Variants in SLC22A13 observed in about 807,000 individuals in gnomAD.
SLC22A13 encodes the protein solute carrier family 22 member 13, also known as organic anion transporter 10.
A neutral mutation model predicts 49.1 loss-of-function variants in SLC22A13; 42 were observed. That is an observed-to-expected ratio of 0.85 (90% CI 0.67 to 1.11). The LOEUF is 1.11. Among genes scored for constraint, SLC22A13 ranks in the 50% least tolerant of loss-of-function variants. SLC22A13 has a pLI of 0.00. For missense variants in SLC22A13, 694 were observed against 712.8 expected (o/e 0.97, Z 0.30); for synonymous variants, 282 against 293.1 (o/e 0.96, Z 0.39).
chr3:38,266,084 A>T lies in SLC22A13; in HGVS notation c.224A>T (p.Asp75Val). The T allele has an allele frequency of 6.2e-7, 1 of 1,614,090 alleles. No individual in the cohort carries two copies. Among genetic ancestry groups the T allele is most frequent in the Non-Finnish European group, 8.5e-7 (1 of 1,180,018 alleles). The change falls in exon 1 of 10, where the codon GAC becomes GTC. Residue 75 changes from aspartate (D) to valine (V), a missense_variant. Asp to Val is a radical substitution (Grantham distance 152, BLOSUM62 -3). Coordinates refer to ENST00000311856, the MANE Select transcript of SLC22A13 (RefSeq NM_004256.4). ...CAGCTGGTACTGAGCGTGCCCCTGG[A>T]CACTGCAGGTCACCCAGAGCCCTGC... ...AEQLVLSVPL[D>V]TAGHPEPCLM...
At chr3:38,274,146 G>C in intron 1 of SLC22A13, 126 bp from the exon 2 acceptor site, 1 of 697,030 alleles carries the variant, frequency 1.4e-6, no homozygotes, top group Non-Finnish European at 2.6e-6. Context: ...ATGGTGCCCT[G>C]GAGTGCCTCA....
At position 38,277,022 on chromosome 3, in the gene SLC22A13, G is replaced by A; in HGVS notation, c.1457G>A (p.Gly486Asp). Reference protein sequence around the residue: ...YHAALPMLIYGSLPIVAGLLC... With the variant: ...YHAALPMLIYDSLPIVAGLLC... The stretch of plus-strand genomic sequence containing the variant: ...GCTGCCCTCCCCATGCTCATCTACG[G>A]CAGCCTCCCCATCGTGGCCGGCCTG... Residue 486 changes from glycine to aspartate, a missense_variant, in exon 9 of 10, where the codon GGC becomes GAC. Transcript: ENST00000311856. The A allele has an allele frequency of 1.2e-6, 2 of 1,607,924 alleles. No homozygotes were observed. Among genetic ancestry groups the A allele is most frequent in the Non-Finnish European group, 1.7e-6 (2 of 1,177,388 alleles).
intron 2 of SLC22A13, 30 bp from the exon 3 acceptor site, chr3:38,274,572 ACC>A: frequency 6.2e-7 from 1 of 1,604,218 alleles, no homozygotes; most frequent in African/African-American, 1.3e-5. Context: ...TCCGGGAGGG[ACC>A]CTCCCCACAG....
chr3:38,276,277 C>T lies in SLC22A13; in HGVS notation c.1238-10C>T. ...GGGCCCAGGTGATGGGGCTGTCTAC[C>T]CTCTGCCAGATCTGCCCGTGGTGGT... is the stretch of plus-strand genomic sequence containing the variant. On this transcript the variant is annotated splice_polypyrimidine_tract_variant and intron_variant, in intron 7 of 9. Coordinates refer to ENST00000311856, the MANE Select transcript of SLC22A13 (RefSeq NM_004256.4). 3.1e-6 allele frequency: 5 copies of T among 1,606,190 alleles called. No individual in the cohort carries two copies. The highest frequency in any genetic ancestry group is 3.4e-6 in the Non-Finnish European group (4 of 1,174,984).
At chr3:38,275,728 G>T in intron 6 of SLC22A13, 56 bp downstream of exon 6, 1 of 1,565,204 alleles carries the variant, frequency 6.4e-7, no homozygotes, top group Non-Finnish European at 8.8e-7. Flanking sequence ...CCTGGTGTGT[G>T]TTGGCAGAGG....
Position 38,275,597 on chromosome 3 carries a change from G to A in SLC22A13, c.947G>A (p.Gly316Asp), listed in dbSNP as rs980835327. 1.9e-6 allele frequency: 3 copies of A among 1,614,172 alleles called. No homozygotes were observed. The highest frequency in any genetic ancestry group is 1.1e-5 in the South Asian group (1 of 91,080). ...LMNQLVPEKT[G>D]PSGNALDLFR... ...TCCCAGCTGGTCCCAGAGAAGACAG[G>A]CCCCTCAGGGAATGCCCTGGATCTG... Residue 316 changes from glycine to aspartate, a missense_variant, in exon 6 of 10, where the codon GGC becomes GAC. Transcript: ENST00000311856.
At position 38,277,538 on chromosome 3, in the gene SLC22A13, C is replaced by T; in HGVS notation, c.*73C>T. 2.8e-6 allele frequency: 3 copies of T among 1,083,536 alleles called. No individual in the cohort carries two copies. The highest frequency in any genetic ancestry group is 4.2e-6 in the Non-Finnish European group (3 of 722,318). 67.1% of individuals were successfully genotyped at this position (1,083,536 alleles called of 1,614,324 possible). A position where few individuals can be genotyped will look rare whatever the true frequency, so the allele number is the denominator to read the frequency against. ...CACCTCCTTGGATATGGCCAGGACC[C>T]ACAGGGACACAGGGCAAGACCAGCC... On this transcript the variant is annotated 3_prime_UTR_variant, in exon 10 of 10. Coordinates refer to ENST00000311856, the MANE Select transcript of SLC22A13 (RefSeq NM_004256.4).
In SLC22A13 at chr3:38,275,412, G is replaced by T; in HGVS notation, c.849G>T (p.Arg283Ser). 1 of 1,614,198 alleles carries T rather than the reference G, an allele frequency of 6.2e-7. No individual in the cohort carries two copies. Among genetic ancestry groups the T allele is most frequent in the South Asian group, 1.1e-5 (1 of 91,080 alleles). Residue 283 changes from arginine to serine, a missense_variant, in exon 5 of 10, where the codon AGG becomes AGT. Coordinates refer to ENST00000311856, the MANE Select transcript of SLC22A13 (RefSeq NM_004256.4). ...ESARWLLTRG[R>S]MDEAIQLIQK... ...CACGTTGGCTCCTGACCCGTGGGAG[G>T]ATGGACGAGGCGATACAACTGATCC...
intron 1 of SLC22A13, 99 bp from the exon 2 acceptor site, chr3:38,274,173 C>T: frequency 1.1e-6 from 1 of 876,376 alleles, no homozygotes; most frequent in Non-Finnish European, 1.9e-6. Flanking sequence ...AGTTTGGGAA[C>T]CATGAGCTCC....
chr3:38,275,211 G>C, intron 4 of SLC22A13, 54 bp downstream of exon 4: 1 of 1,605,156 alleles, frequency 6.2e-7, no homozygotes, highest in Non-Finnish European at 8.5e-7. Flanking sequence ...GTGTTGTGGT[G>C]GGGTTGCAGT....
intron 4 of SLC22A13, 46 bp from the exon 5 acceptor site, chr3:38,275,324 C>T: frequency 3.1e-6 from 5 of 1,611,938 alleles, no homozygotes; most frequent in Non-Finnish European, 4.2e-6. Context: ...CTGGAAAGCT[C>T]CCTAGGACTC....
chr3:38,270,145 C>G (rs1703505126), intron 1 of SLC22A13: 1 of 152,042 alleles, frequency 6.6e-6, no homozygotes, highest in Non-Finnish European at 1.5e-5. Flanking sequence ...GGTTCCAAGT[C>G]TTTGCTATTG....
rs2125861751 is a variant in SLC22A13, at chr3:38,266,197, T to G, written c.337T>G (p.Trp113Gly). The G allele has an allele frequency of 1.2e-6, 2 of 1,614,242 alleles. No individual in the cohort carries two copies. Among genetic ancestry groups the G allele is most frequent in the South Asian group, 2.2e-5 (2 of 91,086 alleles). ...TGAGACGCAGCCTTGTGATATGGGC[T>G]GGGAATATCCTGAGAACAGGCTCCC... ...FNETQPCDMG[W>G]EYPENRLPSL... is the part of the protein sequence containing the mutation. Residue 113 changes from tryptophan to glycine, a missense_variant, in exon 1 of 10, where the codon TGG becomes GGG. By Grantham distance (184) the Trp-to-Gly change is radical. Coordinates refer to ENST00000311856, the MANE Select transcript of SLC22A13 (RefSeq NM_004256.4).
chr3:38,268,706 A>G (rs192464707), intron 1 of SLC22A13, among the ~76,000 whole-genome samples: 27 of 152,358 alleles, frequency 1.8e-4, no homozygotes, highest in African/African-American at 6.5e-4. Context: ...GAGGAAGGGC[A>G]AGACAGACTC....
rs772110476 is a variant in SLC22A13 at position 38,277,425 on chromosome 3, C to T, written c.1616C>T (p.Ser539Phe). 1.9e-6 allele frequency: 3 copies of T among 1,614,178 alleles called. No individual in the cohort carries two copies. The highest frequency in any genetic ancestry group is 2.5e-6 in the Non-Finnish European group (3 of 1,179,992). The change falls in exon 10 of 10, where the codon TCC (serine) becomes TTC (phenylalanine). Residue 539 changes from serine to phenylalanine, a missense_variant. Coordinates refer to ENST00000311856, the MANE Select transcript of SLC22A13 (RefSeq NM_004256.4). The part of the protein sequence containing the change: ...EKETEAKGRT[S>F]SPGVAFVSST... ...GAAACAGAGGCCAAGGGAAGAACTT[C>T]CAGCCCGGGAGTGGCCTTTGTGAGC...
Position 38,266,108 on chromosome 3 carries a change from G to A in SLC22A13, c.248G>A (p.Cys83Tyr). The A allele has an allele frequency of 6.2e-7, 1 of 1,614,090 alleles. No homozygotes were observed. The change falls in exon 1 of 10, where the codon TGC (cysteine) becomes TAC (tyrosine). Residue 83 changes from cysteine to tyrosine, a missense_variant. Physicochemically the swap from Cys to Tyr is radical, Grantham distance 194. Transcript: ENST00000311856. ...GACACTGCAGGTCACCCAGAGCCCT[G>A]CCTCATGTTCCGGCCACCCCCCGCC... is the stretch of plus-strand genomic sequence containing the variant. ...PLDTAGHPEP[C>Y]LMFRPPPANA...
chr3:38,268,187 T>G (rs1056519140), intron 1 of SLC22A13, among the ~76,000 whole-genome samples: 6 of 152,222 alleles, frequency 3.9e-5, no homozygotes, highest in Non-Finnish European at 8.8e-5. Flanking sequence ...ATAACATCCC[T>G]GTTAACACTT....
At chr3:38,275,198 G>T in intron 4 of SLC22A13, 41 bp downstream of exon 4, 4 of 1,610,896 alleles carry the variant, frequency 2.5e-6, no homozygotes, top group South Asian at 2.2e-5. Context: ...CCCCAGGTTA[G>T]TTGTGTTGTG....
At chr3:38,274,448 T>A in intron 2 of SLC22A13, 73 bp downstream of exon 2, 12 of 1,453,244 alleles carry the variant, frequency 8.3e-6, no homozygotes, top group Non-Finnish European at 1.2e-5. Context: ...GTCCCCCTTA[T>A]GCCCCTTACA....
Sources: allele counts gnomAD v4.1 joint callset (sites outside exome capture counted in the v4.1 genomes callset), GRCh38; gene constraint gnomAD v4.1.1; transcripts MANE v1.5; gene names NCBI Gene and HGNC (gene_info 2026-07-23, HGNC 2026-07-21).